ITSN2: variants seen among roughly 807,000 people sequenced by gnomAD.
ITSN2 encodes intersectin 2.
Under a neutral mutation model 243.7 loss-of-function variants are expected in ITSN2, and 156 were observed. That is an observed-to-expected ratio of 0.64 (90% confidence interval 0.56 to 0.73). The LOEUF is 0.73. ITSN2 is among the 30% of genes least tolerant of loss of function. The probability of loss-of-function intolerance (pLI) is 0.00; values close to 1 mark genes in which losing one functional copy is unlikely to be tolerated. For missense variants in ITSN2, 1,801 were observed against 1,996.1 expected (o/e 0.90, Z 1.86); for synonymous variants, 703 against 699.9 (o/e 1.00, Z -0.07).
At chr2:24,355,396 T>C (rs1243706443) in intron 1 of ITSN2, among the ~76,000 whole-genome samples, 1 of 152,098 alleles carries the variant, frequency 6.6e-6, no homozygotes, top group East Asian at 1.9e-4. Flanking sequence ...TATAAGCCAA[T>C]GGAGCAGAAC....
chr2:24,259,064 T>A (rs1451975751), intron 22 of ITSN2, among the ~76,000 whole-genome samples: 1 of 152,216 alleles, frequency 6.6e-6, no homozygotes, highest in Non-Finnish European at 1.5e-5. Context: ...TATATCAAAC[T>A]GCCTACTGGG....
intron 31 of ITSN2, among the ~76,000 whole-genome samples, chr2:24,217,217 C>A (rs188172418): frequency 6.6e-5 from 10 of 151,672 alleles, no homozygotes; most frequent in Non-Finnish European, 1.3e-4. Flanking sequence ...CCACTGCACT[C>A]CAGCCTGGGC....
chr2:24,317,036 T>C (rs1422328295), intron 2 of ITSN2, among the ~76,000 whole-genome samples: 1 of 152,214 alleles, frequency 6.6e-6, no homozygotes, highest in African/African-American at 2.4e-5. Context: ...AGAAATGGTA[T>C]ATCAAAGAAG....
At chr2:24,335,962 C>A (rs1268415076) in intron 1 of ITSN2, among the ~76,000 whole-genome samples, 1 of 150,912 alleles carries the variant, frequency 6.6e-6, no homozygotes, top group Non-Finnish European at 1.5e-5. Flanking sequence ...TTTCCCTTGG[C>A]CGGGCATGGT....
chr2:24,287,821 C>A (rs1326622212), intron 15 of ITSN2, among the ~76,000 whole-genome samples: 1 of 152,026 alleles, frequency 6.6e-6, no homozygotes, highest in Non-Finnish European at 1.5e-5. Flanking sequence ...TTTTAAATAT[C>A]TCTTTACCAT....
At chr2:24,255,337 T>C (rs1352643615) in intron 23 of ITSN2, among the ~76,000 whole-genome samples, 2 of 152,148 alleles carry the variant, frequency 1.3e-5, no homozygotes, top group Non-Finnish European at 2.9e-5. Flanking sequence ...TTCTTCTAAA[T>C]CCAAAATTCG....
At chr2:24,205,319 C>A in intron 37 of ITSN2, 22 bp from the exon 38 acceptor site, 1 of 1,594,052 alleles carries the variant, frequency 6.3e-7, no homozygotes, top group South Asian at 1.1e-5. Context: ...GAAGACAAGT[C>A]TCATTAATCT....
chr2:24,306,870 A>T (rs1682616946), intron 8 of ITSN2, among the ~76,000 whole-genome samples: 1 of 151,966 alleles, frequency 6.6e-6, no homozygotes, highest in Non-Finnish European at 1.5e-5. Context: ...CACTGGCGCA[A>T]TCTCGGCTCA....
intron 2 of ITSN2, among the ~76,000 whole-genome samples, chr2:24,320,730 A>C (rs1165480367): frequency 7.9e-4 from 21 of 26,636 alleles, no homozygotes; most frequent in Non-Finnish European, 1.1e-3. Context: ...CAACAACAAC[A>C]ACCACCAAAA....
rs1233718374 is a variant in ITSN2, at chr2:24,209,187, G to A, written c.4508C>T (p.Pro1503Leu). Residue 1503 changes from proline (P) to leucine (L), a missense_variant, in exon 36 of 40, where the codon CCC becomes CTC. Physicochemically the swap from Pro to Leu is moderately conservative, Grantham distance 98. This residue lies in a region of ITSN2 where 928 missense variants were observed against 1,065.4 expected (regional missense o/e 0.87). Transcript: ENST00000355123. Reference protein sequence around the residue: ...IFLNEVLVKLPTDPSSDEPVF... With the variant: ...IFLNEVLVKLLTDPSSDEPVF... ...AGGCTCATCGCTGGAAGGGTCTGTG[G>A]GCAGTTTCACCAAGACTTCATTCAG... The A allele has an allele frequency of 1.2e-6, 2 of 1,613,992 alleles. No homozygotes were observed. Among genetic ancestry groups the A allele is most frequent in the African/African-American group, 2.7e-5 (2 of 74,906 alleles).
upstream of ITSN2, chr2:24,360,729 T>C: frequency 6.5e-6 from 1 of 152,842 alleles, no homozygotes; most frequent in Non-Finnish European, 1.5e-5. Flanking sequence ...CTCTCTGCCC[T>C]CGGGGAGGCC....
At chr2:24,322,167 T>G (rs1684643766) in intron 2 of ITSN2, among the ~76,000 whole-genome samples, 1 of 152,176 alleles carries the variant, frequency 6.6e-6, no homozygotes, top group South Asian at 2.1e-4. Context: ...ATACCTCCAT[T>G]ATAGCTAACA....
chr2:24,211,069 CGGT>C lies in ITSN2; in HGVS notation c.4090-125_4090-123del. The C allele has an allele frequency of 1.1e-6, 1 of 889,198 alleles. No homozygotes were observed. The highest frequency in any genetic ancestry group is 1.7e-6 in the Non-Finnish European group (1 of 580,628). 55.1% of individuals were successfully genotyped at this position (889,198 alleles called of 1,614,324 possible). A position where few individuals can be genotyped will look rare whatever the true frequency, so the allele number is the denominator to read the frequency against. On this transcript the variant is annotated intron_variant, in intron 33 of 39. Transcript: ENST00000355123. This position sits in a 1 kb window ranked among gnomAD's most constrained non-coding sequence, Gnocchi z 4.1. ...CTGCTTCCATGCCCTGGAAACGCGG[CGGT>C]GAACAAGACGACACTTTCCGCCCTT...
At chr2:24,350,051 C>T (rs957813349) in intron 1 of ITSN2, among the ~76,000 whole-genome samples, 1 of 152,158 alleles carries the variant, frequency 6.6e-6, no homozygotes, top group African/African-American at 2.4e-5. Context: ...GTTCTAGAAA[C>T]CAGCTAATTT....
At chr2:24,312,398 A>G (rs1252638114) in intron 4 of ITSN2, 23 bp from the exon 5 acceptor site, 10 of 1,569,564 alleles carry the variant, frequency 6.4e-6, no homozygotes, top group Non-Finnish European at 8.7e-6. Context: ...TGAGGTAGGT[A>G]GATTGCTATG....
intron 24 of ITSN2, among the ~76,000 whole-genome samples, chr2:24,253,672 T>C (rs1218865933): frequency 6.6e-6 from 1 of 152,230 alleles, no homozygotes; most frequent in African/African-American, 2.4e-5. Flanking sequence ...TTTGGAAACT[T>C]TTATTCATCC....
At chr2:24,348,657 G>C (rs1478912130) in intron 1 of ITSN2, among the ~76,000 whole-genome samples, 1 of 152,014 alleles carries the variant, frequency 6.6e-6, no homozygotes, top group South Asian at 2.1e-4. Context: ...CTATTGCAGG[G>C]GCAGACAGAG....
intron 23 of ITSN2, among the ~76,000 whole-genome samples, chr2:24,255,347 G>A (rs1031109878): frequency 1.3e-5 from 2 of 152,110 alleles, no homozygotes; most frequent in East Asian, 1.9e-4. Context: ...TCCAAAATTC[G>A]GCCAGGTGTG....
chr2:24,331,511 G>C (rs1332497873), intron 1 of ITSN2, among the ~76,000 whole-genome samples: 1 of 152,144 alleles, frequency 6.6e-6, no homozygotes, highest in Non-Finnish European at 1.5e-5. Context: ...TTCTAGTTTT[G>C]AGAGAGTTCC....
Sources: allele counts gnomAD v4.1 joint callset (sites outside exome capture counted in the v4.1 genomes callset), GRCh38; gene constraint gnomAD v4.1.1; regional missense constraint gnomAD v4.1.1; non-coding constraint Gnocchi (gnomAD v3.1); transcripts MANE v1.5; gene names NCBI Gene and HGNC (gene_info 2026-07-23, HGNC 2026-07-21).